TOPAZ1: variants seen among roughly 807,000 people sequenced by gnomAD.
The protein encoded by TOPAZ1 is testis and ovary specific TOPAZ 1, also known as protein TOPAZ1.
A neutral mutation model predicts 172.2 loss-of-function variants in TOPAZ1; 66 were observed. The observed-to-expected ratio is 0.38, with a 90% confidence interval of 0.31 to 0.47. The LOEUF is 0.47. Among genes scored for constraint, TOPAZ1 ranks in the 20% least tolerant of loss-of-function variants. TOPAZ1 has a pLI of 0.99. For missense variants in TOPAZ1, 1,822 were observed against 1,972.4 expected (o/e 0.92, Z 1.44); for synonymous variants, 681 against 683.9 (o/e 1.00, Z 0.07).
intron 8 of TOPAZ1, among the ~76,000 whole-genome samples, chr3:44,274,393 T>G (rs1575716311): frequency 7.2e-6 from 1 of 138,976 alleles, no homozygotes; most frequent in Admixed American, 7.3e-5. Context: ...AGAGCAAGAC[T>G]CCCTCTCAAA....
rs1384011170 is a variant in TOPAZ1 at position 44,331,825 on chromosome 3, T to G, written c.4893T>G (p.Asp1631Glu). ...ACAACCAGTCTCGGAGCAATGATGATTATCAAGCTGCAGTAGAAAGGTTAA... is the reference window on the plus strand; with the variant it reads ...ACAACCAGTCTCGGAGCAATGATGAGTATCAAGCTGCAGTAGAAAGGTTAA... ...CEDNQSRSND[D>E]YQAAVERLIM... The change falls in exon 20 of 20, where the codon GAT (aspartate) becomes GAG (glutamate). Residue 1631 changes from aspartate to glutamate, a missense_variant. By Grantham distance (45) the Asp-to-Glu change is conservative. This residue lies in a region of TOPAZ1 where 333 missense variants were observed against 481.7 expected (regional missense o/e 0.69). Coordinates refer to ENST00000309765, the MANE Select transcript of TOPAZ1 (RefSeq NM_001145030.2). The G allele has an allele frequency of 6.4e-7, 1 of 1,552,008 alleles. No individual in the cohort carries two copies. The highest frequency in any genetic ancestry group is 8.7e-7 in the Non-Finnish European group (1 of 1,147,084).
chr3:44,328,117 A>G (rs1700623697), intron 18 of TOPAZ1, 133 bp from the exon 19 acceptor site: 1 of 542,468 alleles, frequency 1.8e-6, no homozygotes, highest in African/African-American at 2.0e-5. Context: ...ATAAGCTATC[A>G]TGTAATTTGT....
chr3:44,274,409 A>G (rs565697705), intron 8 of TOPAZ1, among the ~76,000 whole-genome samples: 3 of 69,524 alleles, frequency 4.3e-5, no homozygotes, highest in African/African-American at 1.4e-4. Flanking sequence ...TCAAAAAAAA[A>G]AGAAAAGAAA....
intron 12 of TOPAZ1, 42 bp downstream of exon 12, chr3:44,290,928 T>A (rs750389507): frequency 7.7e-7 from 1 of 1,298,272 alleles, no homozygotes; most frequent in Non-Finnish European, 1.1e-6. Flanking sequence ...TATATGTGTC[T>A]TGGTGGGGAC....
chr3:44,253,286 A>G (rs949333665), intron 2 of TOPAZ1, among the ~76,000 whole-genome samples: 3 of 152,198 alleles, frequency 2.0e-5, no homozygotes, highest in Admixed American at 6.5e-5. Context: ...GAATTCATGG[A>G]AAGACTTTTA....
In TOPAZ1 at chr3:44,242,080, C is replaced by T. The variant is rs1699483951; in HGVS notation, c.27C>T (p.Pro9=). The change falls in exon 1 of 20, where the codon CCC becomes CCT. Residue 9 remains proline (P), a synonymous_variant. Coordinates refer to ENST00000309765, the MANE Select transcript of TOPAZ1 (RefSeq NM_001145030.2). The part of the protein sequence containing the change: MRRPPPLG[P]TTASGPEGNV... ...TGCGACGACCTCCACCCCTGGGCCC[C>T]ACGACGGCCTCAGGGCCTGAAGGCA... 1 of 1,546,500 alleles carries T rather than the reference C, an allele frequency of 6.5e-7. No homozygotes were observed. Among genetic ancestry groups the T allele is most frequent in the Non-Finnish European group, 8.7e-7 (1 of 1,146,388 alleles).
chr3:44,270,280 G>A (rs755615835), intron 7 of TOPAZ1, among the ~76,000 whole-genome samples: 1 of 152,140 alleles, frequency 6.6e-6, no homozygotes, highest in Non-Finnish European at 1.5e-5. Context: ...GCAGAGACAG[G>A]TACGTGAAAG....
chr3:44,255,226 A>G (rs73829613), intron 3 of TOPAZ1, among the ~76,000 whole-genome samples, 197 bp downstream of exon 3: 1,986 of 152,292 alleles, frequency 0.013, 50 homozygotes, highest in African/African-American at 0.045. Flanking sequence ...CTGTTTGATT[A>G]TTTAATAAAT....
intron 15 of TOPAZ1, among the ~76,000 whole-genome samples, chr3:44,308,988 T>G (rs1476134822): frequency 5.3e-5 from 8 of 152,194 alleles, no homozygotes; most frequent in Admixed American, 4.6e-4. Context: ...CAAAGCCTGT[T>G]TTTGTACAGC....
rs71085612 is a variant in TOPAZ1, at chr3:44,269,471, C to CTTTTTTTTTTTTTTTTTTT, written c.3246+183_3246+201dup. 2.8e-3 allele frequency among the ~76,000 whole-genome samples: 94 copies of CTTTTTTTTTTTTTTTTTTT among 33,934 alleles called. 9 individuals carry two copies. The highest frequency in any genetic ancestry group is 6.0e-3 in the African/African-American group (37 of 6,122). 22.3% of individuals were successfully genotyped at this position (33,934 alleles called of 152,430 possible). ...CCTTTTGATTGTATTTCCCTATCAT[C>CTTTTTTTTTTTTTTTTTTT]TTTTTTTTTTTTTTTTTTTTTTTTT... is the stretch of plus-strand genomic sequence containing the variant. On this transcript the variant is annotated intron_variant, in intron 7 of 19. Coordinates refer to ENST00000309765, the MANE Select transcript of TOPAZ1 (RefSeq NM_001145030.2).
At chr3:44,304,431 A>G (rs1403476793) in intron 13 of TOPAZ1, among the ~76,000 whole-genome samples, 4 of 152,246 alleles carry the variant, frequency 2.6e-5, no homozygotes, top group African/African-American at 9.6e-5. Context: ...GGATGGCTAC[A>G]GTACATGAAA....
Position 44,242,290 on chromosome 3 carries a change from G to A in TOPAZ1, c.237G>A (p.Arg79=), listed in dbSNP as rs751806265. Residue 79 remains arginine, a synonymous_variant, in exon 1 of 20, where the codon AGG becomes AGA. Transcript: ENST00000309765. ...CATCAGGGGCTGGAAAGGCCGCAAG[G>A]CGTCAGGTGGAGGGGCGCAGGGGCC... ...VAASGAGKAA[R]RQVEGRRGPV... 1 of 1,551,358 alleles carries A rather than the reference G, an allele frequency of 6.4e-7. No individual in the cohort carries two copies. Among genetic ancestry groups the A allele is most frequent in the Admixed American group, 2.0e-5 (1 of 50,704 alleles).
intron 12 of TOPAZ1, among the ~76,000 whole-genome samples, chr3:44,296,284 T>G (rs1457068901): frequency 6.6e-6 from 1 of 151,714 alleles, no homozygotes; most frequent in Non-Finnish European, 1.5e-5. Flanking sequence ...AAGAGCAAAA[T>G]AAACTCAAAG....
chr3:44,320,232 C>G (rs1330620099), intron 16 of TOPAZ1, among the ~76,000 whole-genome samples: 1 of 152,038 alleles, frequency 6.6e-6, no homozygotes, highest in East Asian at 1.9e-4. Flanking sequence ...GCTTTTATAA[C>G]ATATATTATT....
rs1381034620 is a variant in TOPAZ1 at position 44,256,267 on chromosome 3, T to G, written c.2944T>G (p.Leu982Val). Residue 982 changes from leucine to valine, a missense_variant, in exon 4 of 20, where the codon TTG becomes GTG. Transcript: ENST00000309765. ...DFSEQIKGSD[L>V]DEKHRFTDKV... Reference sequence around the variant, plus strand: ...CAGTGAACAAATAAAAGGTTCAGACTTGGATGAAAAGGTACTAGGGGATCT... The same window carrying G: ...CAGTGAACAAATAAAAGGTTCAGACGTGGATGAAAAGGTACTAGGGGATCT... 4 of 1,521,004 alleles carry G rather than the reference T, an allele frequency of 2.6e-6. No homozygotes were observed. Among genetic ancestry groups the G allele is most frequent in the Non-Finnish European group, 2.6e-6 (3 of 1,138,628 alleles). 94.2% of individuals were successfully genotyped at this position (1,521,004 alleles called of 1,614,324 possible). A position where few individuals can be genotyped will look rare whatever the true frequency, so the allele number is the denominator to read the frequency against.
In TOPAZ1 at chr3:44,305,236, A is replaced by C; in HGVS notation, c.3954A>C (p.Thr1318=). The C allele has an allele frequency of 6.5e-7, 1 of 1,549,018 alleles. No homozygotes were observed. The highest frequency in any genetic ancestry group is 1.2e-5 in the South Asian group (1 of 83,046). Residue 1318 remains threonine, a synonymous_variant, in exon 14 of 20, where the codon ACA becomes ACC. Transcript: ENST00000309765. ...MGCEKFADFQ[T]FCACIAETLT... is the part of the protein sequence containing the mutation. The stretch of plus-strand genomic sequence containing the variant: ...GTGAAAAATTTGCAGATTTCCAGAC[A>C]TTTTGTGCTTGCATTGCTGAAACAC...
intron 1 of TOPAZ1, 38 bp downstream of exon 1, chr3:44,242,437 G>C (rs1420747036): frequency 1.0e-5 from 16 of 1,537,194 alleles, no homozygotes; most frequent in Non-Finnish European, 1.4e-5. Context: ...TTTAGCCCTT[G>C]TACCTCAGCG....
At chr3:44,252,075 A>G (rs1340800574) in intron 2 of TOPAZ1, among the ~76,000 whole-genome samples, 1 of 152,128 alleles carries the variant, frequency 6.6e-6, no homozygotes, top group Non-Finnish European at 1.5e-5. Context: ...TAAGTTAGCT[A>G]TTTTCATAGT....
rs760888470 is a variant in TOPAZ1, at chr3:44,262,442, T to G, written c.2979T>G (p.Ile993Met). The G allele has an allele frequency of 1.3e-6, 2 of 1,489,532 alleles. No homozygotes were observed. Among genetic ancestry groups the G allele is most frequent in the South Asian group, 2.5e-5 (2 of 81,270 alleles). 92.3% of individuals were successfully genotyped at this position (1,489,532 alleles called of 1,614,324 possible). The stretch of plus-strand genomic sequence containing the variant: ...AGCATAGATTTACAGACAAAGTGAT[T>G]ACCAAAGAAGAAAAAGAAAATATTT... ...DEKHRFTDKVITKEEKENIYE... is the reference protein window; with the variant it reads ...DEKHRFTDKVMTKEEKENIYE... The change falls in exon 5 of 20, where the codon ATT (isoleucine) becomes ATG (methionine). Residue 993 changes from isoleucine (I) to methionine (M), a missense_variant. Physicochemically the swap from Ile to Met is conservative, Grantham distance 10. Transcript: ENST00000309765.
Sources: gnomAD v4.1 joint callset for allele counts (sites outside exome capture counted in the v4.1 genomes callset) on GRCh38, gnomAD v4.1.1 for gene constraint, gnomAD v4.1.1 regional missense constraint, MANE v1.5 for transcripts, NCBI Gene and HGNC (gene_info 2026-07-23, HGNC 2026-07-21) for gene names.